CNTNAP2: variants seen among roughly 807,000 people sequenced by gnomAD.
CNTNAP2 encodes the protein contactin-associated protein-like 2.
In CNTNAP2, 98 loss-of-function variants were observed where a neutral mutation model predicts 155.2. The ratio of observed to expected loss-of-function variants is 0.63; its 90% CI spans 0.54 to 0.75. CNTNAP2 has a LOEUF of 0.75. Among genes scored for constraint, CNTNAP2 ranks in the 30% least tolerant of loss-of-function variants. The pLI, the probability that CNTNAP2 is intolerant of heterozygous loss-of-function variation, is 0.00. For missense variants in CNTNAP2, 1,727 were observed against 1,688.1 expected (o/e 1.02, Z -0.40); for synonymous variants, 651 against 631.2 (o/e 1.03, Z -0.47).
intron 3 of CNTNAP2, among the ~76,000 whole-genome samples, chr7:147,013,793 G>A (rs539017882): frequency 1.1e-4 from 16 of 152,172 alleles, no homozygotes; most frequent in African/African-American, 3.6e-4. Flanking sequence ...CTTGAAAGAG[G>A]AATCCTGTCT....
intron 4 of CNTNAP2, among the ~76,000 whole-genome samples, chr7:147,099,409 G>T (rs1371193174): frequency 6.6e-6 from 1 of 152,088 alleles, no homozygotes; most frequent in African/African-American, 2.4e-5. Context: ...ACATGGTCAG[G>T]ATAGAGGGGA....
chr7:147,100,805 A>G (rs536511045), intron 4 of CNTNAP2, among the ~76,000 whole-genome samples: 2 of 152,344 alleles, frequency 1.3e-5, no homozygotes, highest in South Asian at 4.1e-4. Flanking sequence ...GAAAGTGTTT[A>G]TGCTGCCAGG....
In CNTNAP2 at chr7:147,405,579, G is replaced by A. The variant is rs540274278; in HGVS notation, c.1670+9799G>A. 1.5e-4 allele frequency among the ~76,000 whole-genome samples: 23 copies of A among 152,256 alleles called. No individual in the cohort carries two copies. In the East Asian group the frequency reaches 3.1e-3, roughly 20 times the overall value. ...GAGTCAGTTGTTCATTCCTGAAAAT[G>A]CATATGCAAGTCATACTTGTTACTG... On this transcript the variant is annotated intron_variant, in intron 10 of 23. Transcript: ENST00000361727.
intron 4 of CNTNAP2, among the ~76,000 whole-genome samples, chr7:147,064,633 T>G (rs1799745147): frequency 6.6e-6 from 1 of 152,168 alleles, no homozygotes; most frequent in South Asian, 2.1e-4. Context: ...GTTCTTATAG[T>G]GTATTTTTCT....
At chr7:146,192,610 C>T (rs994847026) in intron 1 of CNTNAP2, among the ~76,000 whole-genome samples, 64 of 152,142 alleles carry the variant, frequency 4.2e-4, no homozygotes, top group African/African-American at 1.5e-3. Flanking sequence ...GACCCACCCC[C>T]ATGATTCAGT....
At chr7:147,234,931 A>T (rs1803765958) in intron 8 of CNTNAP2, among the ~76,000 whole-genome samples, 1 of 152,136 alleles carries the variant, frequency 6.6e-6, no homozygotes, top group African/African-American at 2.4e-5. Context: ...TGATTATTTG[A>T]TGCAGACGCT....
intron 21 of CNTNAP2, among the ~76,000 whole-genome samples, chr7:148,299,533 G>T (rs1797344686): frequency 6.6e-6 from 1 of 152,116 alleles, no homozygotes; most frequent in Non-Finnish European, 1.5e-5. Flanking sequence ...GTTTCCAAGG[G>T]CACACAGATA....
chr7:148,398,780 A>T (rs1248207414), intron 22 of CNTNAP2, among the ~76,000 whole-genome samples: 1 of 152,250 alleles, frequency 6.6e-6, no homozygotes, highest in East Asian at 1.9e-4. Context: ...GTTTCTCTGC[A>T]GAAGTCTGAA....
chr7:146,428,229 A>C (rs566733576), intron 1 of CNTNAP2, among the ~76,000 whole-genome samples: 25 of 152,304 alleles, frequency 1.6e-4, no homozygotes, highest in South Asian at 1.0e-3. Flanking sequence ...TCTTTATAAT[A>C]GAATGATTTA....
intron 14 of CNTNAP2, among the ~76,000 whole-genome samples, chr7:147,924,123 T>TTTTTC (rs753679772): frequency 0.047 from 5,856 of 125,166 alleles, 231 homozygotes; most frequent in South Asian, 0.081. Context: ...TCTAAGCACT[T>TTTTTC]TTTTCTTTTC....
chr7:147,639,248 G>A lies in CNTNAP2; in HGVS notation c.2040G>A (p.Glu680=). Residue 680 remains glutamate (E), a synonymous_variant, in exon 13 of 24, where the codon GAG becomes GAA. Coordinates refer to ENST00000361727, the MANE Select transcript of CNTNAP2 (RefSeq NM_014141.6). ...DQISAITDSA[E]YCEQYVSYFC... ...TAAGTGCCATCACTGACAGTGCCGA[G>A]TACTGCGAGCAGTATGTCTCCTATT... 1 of 1,614,108 alleles carries A rather than the reference G, an allele frequency of 6.2e-7. No individual in the cohort carries two copies. The highest frequency in any genetic ancestry group is 8.5e-7 in the Non-Finnish European group (1 of 1,179,996).
intron 12 of CNTNAP2, among the ~76,000 whole-genome samples, chr7:147,630,323 A>T (rs1185164801): frequency 8.1e-6 from 1 of 124,168 alleles, no homozygotes; most frequent in African/African-American, 4.4e-5. Flanking sequence ...TAGTAAAAAA[A>T]AAAAAAAAAA....
intron 1 of CNTNAP2, among the ~76,000 whole-genome samples, chr7:146,310,333 G>T (rs116620797): frequency 0.029 from 4,420 of 152,138 alleles, 95 homozygotes; most frequent in African/African-American, 0.061. Flanking sequence ...TTCTAATATT[G>T]TATTAAGCTG....
chr7:147,301,996 G>A (rs1008502566), intron 9 of CNTNAP2, among the ~76,000 whole-genome samples: 2 of 152,072 alleles, frequency 1.3e-5, no homozygotes, highest in African/African-American at 4.8e-5. Flanking sequence ...CATAATATTT[G>A]TTGGAAGTTA....
At chr7:147,610,926 G>T (rs1801172495) in intron 12 of CNTNAP2, among the ~76,000 whole-genome samples, 1 of 151,928 alleles carries the variant, frequency 6.6e-6, no homozygotes, top group African/African-American at 2.4e-5. Flanking sequence ...TTTTGGTGGA[G>T]ACAGAGTTTT....
chr7:146,857,267 G>C (rs1562975503), intron 3 of CNTNAP2, among the ~76,000 whole-genome samples: 1 of 151,936 alleles, frequency 6.6e-6, no homozygotes, highest in Non-Finnish European at 1.5e-5. Flanking sequence ...GAGTAAAATA[G>C]AAGAATAAGA....
chr7:147,346,158 T>A (rs71530779), intron 9 of CNTNAP2, among the ~76,000 whole-genome samples: 24,755 of 149,082 alleles, frequency 0.17, 2,625 homozygotes, highest in East Asian at 0.35. Context: ...ATTTTATTTT[T>A]TTTTTTTGAG....
chr7:146,900,678 C>T (rs12703848), intron 3 of CNTNAP2, among the ~76,000 whole-genome samples: 40,224 of 152,074 alleles, frequency 0.26, 6,682 homozygotes, highest in Non-Finnish European at 0.36. Flanking sequence ...GTGTTTCTCC[C>T]CAGACTCCAA....
chr7:147,736,025 AAGGTTT>A (rs1796836682), intron 13 of CNTNAP2, among the ~76,000 whole-genome samples: 1 of 138,612 alleles, frequency 7.2e-6, no homozygotes, highest in Non-Finnish European at 1.6e-5. Context: ...ATTTACATTT[AAGGTTT>A]ATATTGTTAT....
Sources: gnomAD v4.1 joint callset for allele counts (sites outside exome capture counted in the v4.1 genomes callset) on GRCh38, gnomAD v4.1.1 for gene constraint, MANE v1.5 for transcripts, NCBI Gene and HGNC (gene_info 2026-07-23, HGNC 2026-07-21) for gene names.